ATAD2: variants seen among roughly 807,000 people sequenced by gnomAD.
ATAD2 encodes the protein ATPase family AAA domain-containing protein 2.
A neutral mutation model predicts 168.9 loss-of-function variants in ATAD2; 62 were observed. The ratio of observed to expected loss-of-function variants is 0.37; its 90% CI spans 0.30 to 0.45. ATAD2 has a LOEUF of 0.45. ATAD2 is among the 20% of genes least tolerant of loss of function. The pLI is 1.00. For synonymous variants in ATAD2, 613 were observed against 571.6 expected, an observed-to-expected ratio of 1.07 and a Z score of -1.03; for missense variants, 1,419 against 1,667.8, an observed-to-expected ratio of 0.85 and a Z score of 2.60.
At chr8:123,328,691 T>G in intron 24 of ATAD2, 112 bp from the exon 25 acceptor site, 1 of 1,115,802 alleles carries the variant, frequency 9.0e-7, no homozygotes, top group Non-Finnish European at 1.2e-6. Context: ...CCACAGTATT[T>G]TGTATGATTA....
At chr8:123,332,471 G>GT (rs886737793) in intron 24 of ATAD2, among the ~76,000 whole-genome samples, 1 of 152,084 alleles carries the variant, frequency 6.6e-6, no homozygotes, top group African/African-American at 2.4e-5. Context: ...CCATGGATTA[G>GT]TTTTGCCCAT....
intron 7 of ATAD2, 81 bp downstream of exon 7, chr8:123,369,740 A>G: frequency 1.6e-6 from 2 of 1,224,622 alleles, no homozygotes; most frequent in Admixed American, 2.1e-5. Flanking sequence ...AATACCAAAA[A>G]GACAAGAATA....
intron 1 of ATAD2, among the ~76,000 whole-genome samples, chr8:123,410,071 C>T (rs1331327732): frequency 6.6e-6 from 1 of 151,858 alleles, no homozygotes; most frequent in Non-Finnish European, 1.5e-5. Flanking sequence ...ATGTCTGTGG[C>T]CTTTCTTATA....
chr8:123,368,155 C>T, intron 8 of ATAD2, among the ~76,000 whole-genome samples: 1 of 152,158 alleles, frequency 6.6e-6, no homozygotes, highest in Non-Finnish European at 1.5e-5. Flanking sequence ...TGGTGGCACA[C>T]ACCTGTAATC....
chr8:123,333,490 A>G (rs1467799817), intron 24 of ATAD2, among the ~76,000 whole-genome samples: 1 of 151,966 alleles, frequency 6.6e-6, no homozygotes, highest in Admixed American at 6.6e-5. Context: ...ACAGAGGCTG[A>G]GAAGCTAAGC....
intron 1 of ATAD2, among the ~76,000 whole-genome samples, chr8:123,407,159 A>C (rs1282601521): frequency 1.3e-5 from 2 of 152,226 alleles, no homozygotes; most frequent in Non-Finnish European, 2.9e-5. Flanking sequence ...CCAGGAGAGA[A>C]GCATGGAACA....
intron 13 of ATAD2, among the ~76,000 whole-genome samples, chr8:123,355,078 C>T (rs1340670690): frequency 5.9e-5 from 9 of 151,566 alleles, no homozygotes; most frequent in Admixed American, 4.6e-4. Context: ...AAATGCGTCA[C>T]ATATAAAAAG....
At chr8:123,372,892 C>CTTT (rs766308467) in intron 2 of ATAD2, among the ~76,000 whole-genome samples, 3 of 137,936 alleles carry the variant, frequency 2.2e-5, no homozygotes, top group Non-Finnish European at 3.2e-5. Context: ...ATCCAGCTAA[C>CTTT]TTTTTTTTTT....
At position 123,321,827 on chromosome 8, in the gene ATAD2, T is replaced by C. The variant is rs1018421824; in HGVS notation, c.4132-652A>G. On this transcript the variant is annotated intron_variant, in intron 27 of 27. Transcript: ENST00000287394. Reference sequence around the variant, plus strand: ...GTGCTTGCCTATAATCTCAGTTACTTGAGAAGCTGAGGCAGGATTGCCTGA... The same window carrying C: ...GTGCTTGCCTATAATCTCAGTTACTCGAGAAGCTGAGGCAGGATTGCCTGA... Among the ~76,000 whole-genome samples the C allele has an allele frequency of 2.2e-4, 33 of 152,058 alleles. 1 individual carries two copies. The highest frequency in any genetic ancestry group is 1.5e-4 in the Non-Finnish European group (10 of 68,014).
intron 21 of ATAD2, 152 bp from the exon 22 acceptor site, chr8:123,336,684 G>T: frequency 1.7e-6 from 1 of 588,806 alleles, no homozygotes; most frequent in Non-Finnish European, 2.6e-6. Flanking sequence ...TTGATTTAAG[G>T]CTGTTTTTGT....
chr8:123,370,136 TAAA>T, intron 6 of ATAD2, 112 bp from the exon 7 acceptor site: 22 of 623,620 alleles, frequency 3.5e-5, no homozygotes, highest in South Asian at 8.7e-5. Context: ...TATCTACTCC[TAAA>T]AAAAAAAAAA....
rs539258239 is a variant in ATAD2, at chr8:123,380,538, T to C, written c.311A>G (p.His104Arg). The part of the protein sequence containing the change: ...EITEQLANGR[H>R]FTRQLARQQA... ...AACCACCTTGTATTACCTTGTAAAATGCCTGCCATTAGCAAGTTGCTCCGT... is the reference window on the plus strand; with the variant it reads ...AACCACCTTGTATTACCTTGTAAAACGCCTGCCATTAGCAAGTTGCTCCGT... Residue 104 changes from histidine to arginine, a missense_variant, in exon 2 of 28, where the codon CAT (histidine) becomes CGT (arginine). Physicochemically the swap from His to Arg is conservative, Grantham distance 29 (BLOSUM62 0). Transcript: ENST00000287394. The C allele has an allele frequency of 1.1e-5, 18 of 1,614,018 alleles. No individual in the cohort carries two copies. The South Asian group carries it at 1.8e-4, about 16-fold the overall frequency.
intron 9 of ATAD2, 30 bp downstream of exon 9, chr8:123,361,509 A>G: frequency 6.5e-7 from 1 of 1,534,704 alleles, no homozygotes. Flanking sequence ...TGTGTCTGCT[A>G]GTTTAAAAAG....
At chr8:123,371,560 T>C (rs1829148396) in intron 4 of ATAD2, 110 bp downstream of exon 4, 2 of 991,914 alleles carry the variant, frequency 2.0e-6, no homozygotes, top group Non-Finnish European at 2.9e-6. Flanking sequence ...TCCTGTACGC[T>C]TTACGTAGTA....
chr8:123,414,597 C>G (rs1813211968), intron 1 of ATAD2, among the ~76,000 whole-genome samples: 1 of 152,176 alleles, frequency 6.6e-6, no homozygotes, highest in Non-Finnish European at 1.5e-5. Context: ...GCACTCCAGC[C>G]TGGGTGACAG....
chr8:123,395,230 T>C (rs966880705), intron 1 of ATAD2, among the ~76,000 whole-genome samples: 2 of 152,164 alleles, frequency 1.3e-5, no homozygotes, highest in Non-Finnish European at 2.9e-5. Context: ...CTTAACTAAA[T>C]TTACTAGCGA....
chr8:123,380,869 C>T (rs1829474344), intron 1 of ATAD2, 192 bp from the exon 2 acceptor site: 2 of 570,274 alleles, frequency 3.5e-6, no homozygotes, highest in Admixed American at 6.5e-5. Flanking sequence ...TCAGCAATGT[C>T]TATGAAGCAG....
intron 2 of ATAD2, among the ~76,000 whole-genome samples, chr8:123,373,540 G>A (rs993199684): frequency 1.4e-4 from 22 of 152,170 alleles, no homozygotes; most frequent in African/African-American, 5.1e-4. Flanking sequence ...TGTAATCTCA[G>A]CACTTTGGGA....
intron 8 of ATAD2, among the ~76,000 whole-genome samples, chr8:123,364,741 G>C (rs947563575): frequency 1.3e-5 from 2 of 152,020 alleles, no homozygotes; most frequent in Non-Finnish European, 2.9e-5. Context: ...TATGATTAAA[G>C]CTCTCAGCAA....
Sources: gnomAD v4.1 joint callset for allele counts (sites outside exome capture counted in the v4.1 genomes callset) on GRCh38, gnomAD v4.1.1 for gene constraint, MANE v1.5 for transcripts, NCBI Gene and HGNC (gene_info 2026-07-23, HGNC 2026-07-21) for gene names.